RERE: variants seen among roughly 807,000 people sequenced by gnomAD.
RERE encodes arginine-glutamic acid dipeptide repeats.
RERE carries 40 observed loss-of-function variants against 146.1 expected under a neutral mutation model. The observed-to-expected ratio is 0.27, with a 90% confidence interval of 0.21 to 0.36. RERE has a LOEUF of 0.36. Ranked by LOEUF, RERE falls within the 10% of genes least tolerant of loss-of-function variation. The pLI, the probability that RERE is intolerant of heterozygous loss-of-function variation, is 1.00. For synonymous variants in RERE, 1,003 were observed against 866.0 expected, an observed-to-expected ratio of 1.16 and a Z score of -2.78; for missense variants, 1,933 against 2,138.7, an observed-to-expected ratio of 0.90 and a Z score of 1.90.
At chr1:8,809,157 A>AAAAT (rs985140466) in intron 1 of RERE, among the ~76,000 whole-genome samples, 8 of 146,214 alleles carry the variant, frequency 5.5e-5, no homozygotes, top group African/African-American at 2.2e-4. Context: ...AAAAAAAAAA[A>AAAAT]AAAGTACTGA....
chr1:8,488,038 A>C (rs67959876), intron 10 of RERE, among the ~76,000 whole-genome samples: 34,664 of 151,104 alleles, frequency 0.23, 5,110 homozygotes, highest in Non-Finnish European at 0.33. Context: ...CAAGGACTTC[A>C]AGCCCAGACT....
At chr1:8,744,288 A>G (rs1640375507) in intron 1 of RERE, among the ~76,000 whole-genome samples, 1 of 152,228 alleles carries the variant, frequency 6.6e-6, no homozygotes, top group South Asian at 2.1e-4. Flanking sequence ...AAAGCAATGG[A>G]AAACCCTGAT....
At chr1:8,507,095 T>A (rs1248571711) in intron 8 of RERE, among the ~76,000 whole-genome samples, 3 of 151,976 alleles carry the variant, frequency 2.0e-5, no homozygotes, top group African/African-American at 7.3e-5. Context: ...AGTGAAAGCA[T>A]CCTAACTGAT....
intron 12 of RERE, among the ~76,000 whole-genome samples, chr1:8,383,642 C>T (rs1447648718): frequency 2.6e-5 from 4 of 151,996 alleles, no homozygotes; most frequent in East Asian, 1.9e-4. Context: ...GGGTGGATCA[C>T]GAGGTCAGGA....
chr1:8,658,481 G>A (rs566675194), intron 1 of RERE, among the ~76,000 whole-genome samples: 2 of 152,270 alleles, frequency 1.3e-5, no homozygotes, highest in African/African-American at 4.8e-5. Context: ...TGGTCAGCCA[G>A]GCATGGTGGC....
intron 1 of RERE, among the ~76,000 whole-genome samples, chr1:8,734,429 A>G (rs1640153131): frequency 6.6e-6 from 1 of 152,152 alleles, no homozygotes; most frequent in Non-Finnish European, 1.5e-5. Flanking sequence ...ATTGCTTAAA[A>G]TCCTTTAATA....
chr1:8,462,451 G>A (rs1215618537), intron 11 of RERE, among the ~76,000 whole-genome samples: 1 of 152,240 alleles, frequency 6.6e-6, no homozygotes. Context: ...CTGGCCGCGG[G>A]ATGGGCCAGG....
intron 11 of RERE, among the ~76,000 whole-genome samples, chr1:8,446,870 G>A (rs1284867841): frequency 2.0e-5 from 3 of 151,434 alleles, no homozygotes; most frequent in Admixed American, 1.3e-4. Flanking sequence ...TAGTAGAGAC[G>A]GGGTTTCACC....
intron 1 of RERE, among the ~76,000 whole-genome samples, chr1:8,776,788 G>A (rs932769374): frequency 6.6e-5 from 10 of 151,948 alleles, no homozygotes; most frequent in African/African-American, 9.7e-5. Flanking sequence ...GCACCATCAC[G>A]GCTCACTGCA....
chr1:8,750,683 G>A, intron 1 of RERE: 2 of 852,324 alleles, frequency 2.3e-6, no homozygotes, highest in Non-Finnish European at 4.0e-6. Context: ...TGTACCTGCA[G>A]AACCCAAATT....
intron 12 of RERE, 40 bp downstream of exon 12, chr1:8,422,687 G>A (rs374041016): frequency 2.8e-6 from 4 of 1,433,200 alleles, no homozygotes; most frequent in African/African-American, 2.8e-5. Context: ...CAGGAGCAAA[G>A]AGGAAAAAAT....
chr1:8,463,044 G>A (rs532648309), intron 11 of RERE, among the ~76,000 whole-genome samples: 2 of 152,194 alleles, frequency 1.3e-5, no homozygotes, highest in Non-Finnish European at 2.9e-5. Context: ...AAATTTAACA[G>A]AAGGGGGCCA....
intron 6 of RERE, among the ~76,000 whole-genome samples, chr1:8,547,899 GC>G (rs1645885247): frequency 6.6e-6 from 1 of 152,130 alleles, no homozygotes; most frequent in South Asian, 2.1e-4. Flanking sequence ...AAATATATAT[GC>G]ACAAAGATAT....
intron 12 of RERE, among the ~76,000 whole-genome samples, chr1:8,381,375 G>T (rs1642451919): frequency 1.3e-5 from 2 of 151,982 alleles, no homozygotes; most frequent in Admixed American, 6.6e-5. Flanking sequence ...ACGCTAACTT[G>T]AACTGAGATC....
intron 12 of RERE, among the ~76,000 whole-genome samples, chr1:8,422,499 C>A (rs1239753681): frequency 6.6e-6 from 1 of 152,198 alleles, no homozygotes; most frequent in Non-Finnish European, 1.5e-5. Context: ...AGAGTTACAA[C>A]AGAAGTCTAT....
At chr1:8,745,194 T>C (rs1490730673) in intron 1 of RERE, among the ~76,000 whole-genome samples, 1 of 152,102 alleles carries the variant, frequency 6.6e-6, no homozygotes, top group African/African-American at 2.4e-5. Context: ...CTAGAGATGG[T>C]GAGTGCTCAG....
intron 2 of RERE, among the ~76,000 whole-genome samples, chr1:8,630,679 C>A (rs562770562): frequency 6.6e-6 from 1 of 152,258 alleles, no homozygotes; most frequent in South Asian, 2.1e-4. Context: ...ATGATCCAGC[C>A]ACTGTACTCC....
At chr1:8,456,015 T>C (rs1427062942) in intron 11 of RERE, among the ~76,000 whole-genome samples, 1 of 152,134 alleles carries the variant, frequency 6.6e-6, no homozygotes, top group African/African-American at 2.4e-5. Flanking sequence ...AGTTAGTCAG[T>C]GCACGTAGCA....
chr1:8,449,035 G>A (rs1644359668), intron 11 of RERE, among the ~76,000 whole-genome samples: 1 of 152,180 alleles, frequency 6.6e-6, no homozygotes, highest in Non-Finnish European at 1.5e-5. Flanking sequence ...CCTGAGACAT[G>A]AGATCGGCCT....
Sources: allele counts gnomAD v4.1 joint callset (sites outside exome capture counted in the v4.1 genomes callset), GRCh38; gene constraint gnomAD v4.1.1; transcripts MANE v1.5; gene names NCBI Gene and HGNC (gene_info 2026-07-23, HGNC 2026-07-21).